The following VAMP4 variants were observed in gnomAD, a reference collection of about 807,000 sequenced individuals.
VAMP4 encodes vesicle-associated membrane protein 4.
Under a neutral mutation model 23.5 loss-of-function variants are expected in VAMP4, and 19 were observed. The ratio of observed to expected loss-of-function variants is 0.81; its 90% CI spans 0.56 to 1.19. VAMP4 has a LOEUF of 1.19. Ranked by LOEUF, VAMP4 falls within the 50% of genes most tolerant of loss-of-function variation. The pLI is 0.00. For missense variants in VAMP4, 145 were observed against 168.6 expected (o/e 0.86, Z 0.78); for synonymous variants, 31 against 51.0 (o/e 0.61, Z 1.67).
intron 4 of VAMP4, among the ~76,000 whole-genome samples, chr1:171,713,491 T>C (rs940513713): frequency 6.6e-6 from 1 of 152,132 alleles, no homozygotes; most frequent in Admixed American, 6.6e-5. Flanking sequence ...ACATTATATA[T>C]ACTTTTAAAA....
chr1:171,711,355 G>A (rs887265628), intron 4 of VAMP4, among the ~76,000 whole-genome samples: 1 of 152,002 alleles, frequency 6.6e-6, no homozygotes, highest in Non-Finnish European at 1.5e-5. Flanking sequence ...GATGCTCAAT[G>A]GGTAGAATTC....
chr1:171,724,439 C>A (rs191936226), intron 3 of VAMP4, among the ~76,000 whole-genome samples: 1 of 151,830 alleles, frequency 6.6e-6, no homozygotes, highest in Non-Finnish European at 1.5e-5. Context: ...AACCTGCACA[C>A]TGTGCACATG....
chr1:171,715,943 G>T (rs553685046), intron 4 of VAMP4, among the ~76,000 whole-genome samples: 2 of 152,300 alleles, frequency 1.3e-5, no homozygotes, highest in East Asian at 3.9e-4. Context: ...TGAGGCTGCA[G>T]TGAGCTGTGA....
At chr1:171,708,945 G>A (rs1186028468) in intron 6 of VAMP4, among the ~76,000 whole-genome samples, 1 of 148,080 alleles carries the variant, frequency 6.8e-6, no homozygotes, top group Non-Finnish European at 1.5e-5. Flanking sequence ...TAAAAACAGT[G>A]AGTTCATGTC....
chr1:171,701,864 G>A lies in VAMP4; in HGVS notation c.*2642C>T, dbSNP rs1369482407. The A allele has an allele frequency of 6.6e-6, 1 of 152,098 alleles. No individual in the cohort carries two copies. Among genetic ancestry groups the A allele is most frequent in the African/African-American group, 2.4e-5 (1 of 41,448 alleles). The allele number at this position is 152,098 out of a possible 1,614,324, so 9.4% of individuals were successfully genotyped here. ...ATAAGAAGGAGTAACCAATTAATCA[G>A]TATTATAACAACAAAATTGCTGCAA... On this transcript the variant is annotated 3_prime_UTR_variant, in exon 8 of 8. Transcript: ENST00000236192.
intron 2 of VAMP4, among the ~76,000 whole-genome samples, chr1:171,732,205 C>T (rs949790713): frequency 6.6e-6 from 1 of 151,776 alleles, no homozygotes; most frequent in Non-Finnish European, 1.5e-5. Flanking sequence ...GACCATAATG[C>T]GATGGAAAAA....
At position 171,703,183 on chromosome 1, in the gene VAMP4, C is replaced by T. The variant is rs1654506049; in HGVS notation, c.*1323G>A. 2 of 151,252 alleles carry T rather than the reference C, an allele frequency of 1.3e-5. No individual in the cohort carries two copies. The highest frequency in any genetic ancestry group is 4.2e-4 in the South Asian group (2 of 4,812). 9.4% of individuals were successfully genotyped at this position (151,252 alleles called of 1,614,324 possible). A position where few individuals can be genotyped will look rare whatever the true frequency, so the allele number is the denominator to read the frequency against. On this transcript the variant is annotated 3_prime_UTR_variant, in exon 8 of 8. Transcript: ENST00000236192. ...ATTCATATTGTCAAGATATCCAGTG[C>T]ACAAGTTTCTGCAGAATCACTAATT...
intron 6 of VAMP4, among the ~76,000 whole-genome samples, chr1:171,706,715 G>C (rs1234166879): frequency 6.6e-6 from 1 of 152,074 alleles, no homozygotes; most frequent in Admixed American, 6.6e-5. Context: ...TGCTACCTTC[G>C]ATGTATTGAA....
At chr1:171,708,043 T>TA (rs1654716465) in intron 6 of VAMP4, among the ~76,000 whole-genome samples, 2 of 152,084 alleles carry the variant, frequency 1.3e-5, no homozygotes, top group Admixed American at 6.6e-5. Context: ...CTCATGCCTG[T>TA]AATCCAGCAC....
chr1:171,737,136 T>C (rs1444122776), intron 2 of VAMP4, among the ~76,000 whole-genome samples: 1 of 152,174 alleles, frequency 6.6e-6, no homozygotes, highest in Non-Finnish European at 1.5e-5. Context: ...AGTTCTGAGG[T>C]TGTCCAAAAA....
chr1:171,707,720 T>C (rs1279871467), intron 6 of VAMP4, among the ~76,000 whole-genome samples: 1 of 152,188 alleles, frequency 6.6e-6, no homozygotes, highest in African/African-American at 2.4e-5. Context: ...ACATGGTCGA[T>C]GCTATTCATG....
At chr1:171,735,480 A>T (rs1008790128) in intron 2 of VAMP4, among the ~76,000 whole-genome samples, 7 of 152,188 alleles carry the variant, frequency 4.6e-5, no homozygotes, top group African/African-American at 1.7e-4. Context: ...TCTTACACAA[A>T]GGCAGATGTG....
intron 5 of VAMP4, 148 bp from the exon 6 acceptor site, chr1:171,709,892 C>A (rs1654793045): frequency 4.9e-6 from 3 of 607,612 alleles, no homozygotes; most frequent in Non-Finnish European, 8.5e-6. Context: ...TTTTTTCCAC[C>A]CACAAACTCT....
At chr1:171,720,696 A>G (rs1166493013) in intron 3 of VAMP4, among the ~76,000 whole-genome samples, 1 of 152,052 alleles carries the variant, frequency 6.6e-6, no homozygotes, top group Non-Finnish European at 1.5e-5. Context: ...TTCCAGGACT[A>G]GATTTGTTCA....
At chr1:171,730,280 A>G (rs1467437714) in intron 2 of VAMP4, among the ~76,000 whole-genome samples, 2 of 152,236 alleles carry the variant, frequency 1.3e-5, no homozygotes, top group Non-Finnish European at 2.9e-5. Context: ...TCAAGGAATT[A>G]CACCAGCCAA....
chr1:171,738,488 A>G, intron 1 of VAMP4, 25 bp from the exon 2 acceptor site: 1 of 1,480,776 alleles, frequency 6.8e-7, no homozygotes. Flanking sequence ...AAATTTCATC[A>G]GATTTGAGAC....
In VAMP4 at chr1:171,700,461, T is replaced by C. The variant is rs928036972; in HGVS notation, c.*4045A>G. ...TTTCTTATAGTTTGATTTCTAACAT[T>C]TTACTGACTAAAATCTCTGCTAATT... On this transcript the variant is annotated 3_prime_UTR_variant, in exon 8 of 8. Coordinates refer to ENST00000236192, the MANE Select transcript of VAMP4 (RefSeq NM_003762.5). 6.6e-6 allele frequency: 1 copy of C among 152,228 alleles called. No homozygotes were observed. Among genetic ancestry groups the C allele is most frequent in the African/African-American group, 2.4e-5 (1 of 41,456 alleles). The allele number at this position is 152,228 out of a possible 1,614,324, so 9.4% of individuals were successfully genotyped here. A position where few individuals can be genotyped will look rare whatever the true frequency, so the allele number is the denominator to read the frequency against.
intron 7 of VAMP4, among the ~76,000 whole-genome samples, chr1:171,704,814 A>T (rs1274588939): frequency 6.6e-6 from 1 of 152,042 alleles, no homozygotes; most frequent in Non-Finnish European, 1.5e-5. Flanking sequence ...AACCTGGGAT[A>T]ATAGTCACAA....
intron 1 of VAMP4, among the ~76,000 whole-genome samples, chr1:171,740,303 T>C (rs914477130): frequency 2.0e-5 from 3 of 152,236 alleles, no homozygotes; most frequent in Non-Finnish European, 2.9e-5. Context: ...CCTGCTTCCT[T>C]TTCCATAAGA....
Sources: allele counts gnomAD v4.1 joint callset (sites outside exome capture counted in the v4.1 genomes callset), GRCh38; gene constraint gnomAD v4.1.1; transcripts MANE v1.5; gene names NCBI Gene and HGNC (gene_info 2026-07-23, HGNC 2026-07-21).